MSL3: variants seen among roughly 807,000 people sequenced by gnomAD.
The protein encoded by MSL3 is MSL3-like 1.
A neutral mutation model predicts 37.2 loss-of-function variants in MSL3; 5 were observed. That is an observed-to-expected ratio of 0.13 (90% CI 0.07 to 0.28). The LOEUF (loss-of-function observed/expected upper bound fraction) is 0.28, where lower values mean the gene tolerates loss of function less well. Among genes scored for constraint, MSL3 ranks in the 10% least tolerant of loss-of-function variants. The probability of loss-of-function intolerance (pLI) is 1.00; values close to 1 mark genes in which losing one functional copy is unlikely to be tolerated. For missense variants in MSL3, 315 were observed against 408.5 expected (o/e 0.77, Z 1.97); for synonymous variants, 149 against 147.6 (o/e 1.01, Z -0.07).
In MSL3 at chrX:11,758,909, G is replaced by A. The variant is rs968311180; in HGVS notation, c.102+544G>A. The A allele has an allele frequency of 4.1e-5, 24 of 581,158 alleles. No individual in the cohort carries two copies. In the African/African-American group the frequency reaches 5.5e-4, roughly 13 times the overall value. The allele number at this position is 581,158 out of a possible 1,213,427, so 47.9% of individuals were successfully genotyped here. On this transcript the variant is annotated intron_variant, in intron 1 of 12. Coordinates refer to ENST00000312196, the MANE Select transcript of MSL3 (RefSeq NM_078629.4). ...AGGGCAAGGTTGGCCCAGTGTTTTC[G>A]TACCCCAGGGCCTTGCAGCATTTAC...
rs1601767284 is a variant in MSL3 at position 11,762,346 on chromosome X, T to C, written c.588+94T>C. The C allele has an allele frequency of 4.7e-5, 36 of 773,902 alleles. No homozygotes were observed. The East Asian group carries it at 1.2e-3, about 27-fold the overall frequency. The allele number at this position is 773,902 out of a possible 1,213,427, so 63.8% of individuals were successfully genotyped here. A position where few individuals can be genotyped will look rare whatever the true frequency, so the allele number is the denominator to read the frequency against. ...AGACGTAAGCAATAGCGAATCTTGG[T>C]GGAACGAAATTTATATTTTTCAGCT... On this transcript the variant is annotated intron_variant, in intron 6 of 12. Coordinates refer to ENST00000312196, the MANE Select transcript of MSL3 (RefSeq NM_078629.4).
rs1214224781 is a variant in MSL3, at chrX:11,762,979, A to G, written c.731A>G (p.Tyr244Cys). 8.3e-7 allele frequency: 1 copy of G among 1,205,357 alleles called. No individual in the cohort carries two copies. The highest frequency in any genetic ancestry group is 1.1e-6 in the Non-Finnish European group (1 of 893,277). Reference protein sequence around the residue: ...VMPHANMNVHYIPAEKNVDLC... With the variant: ...VMPHANMNVHCIPAEKNVDLC... ...CCACATGCCAACATGAACGTGCATT[A>G]TATCCCAGCAGAAAAGAAGTGAGTA... The change falls in exon 7 of 13, where the codon TAT (tyrosine) becomes TGT (cysteine). Residue 244 changes from tyrosine to cysteine, a missense_variant. Tyr to Cys is a radical substitution (Grantham distance 194). Transcript: ENST00000312196.
chrX:11,769,600 A>AT (rs1286558602), intron 10 of MSL3, among the ~76,000 whole-genome samples: 3 of 110,732 alleles, frequency 2.7e-5, no homozygotes, highest in African/African-American at 9.9e-5. Flanking sequence ...GGCAAAGAAC[A>AT]TTTTTTTCTT....
Position 11,758,814 on chromosome X carries a change from G to A in MSL3, c.102+449G>A, listed in dbSNP as rs1255507157. The A allele has an allele frequency of 3.5e-6, 4 of 1,138,131 alleles. 1 individual carries two copies. The highest frequency in any genetic ancestry group is 6.5e-5 in the East Asian group (2 of 30,595). 93.8% of individuals were successfully genotyped at this position (1,138,131 alleles called of 1,213,427 possible). A position where few individuals can be genotyped will look rare whatever the true frequency, so the allele number is the denominator to read the frequency against. The stretch of plus-strand genomic sequence containing the variant: ...TACACGGCGCTGGCCGCTGACTTGC[G>A]ACGTTGTGTCCCTGGGACCCTAGTC... On this transcript the variant is annotated intron_variant, in intron 1 of 12. Transcript: ENST00000312196.
intron 9 of MSL3, chrX:11,766,961 C>A: frequency 2.6e-6 from 2 of 754,796 alleles, no homozygotes; most frequent in South Asian, 1.3e-4. Flanking sequence ...CTTCCCTCAG[C>A]CTCGCCTGCT....
chrX:11,763,672 T>C (rs1355212247), intron 7 of MSL3, 108 bp from the exon 8 acceptor site: 1 of 576,632 alleles, frequency 1.7e-6, no homozygotes, highest in Admixed American at 3.1e-5. Flanking sequence ...GTGTAGTATA[T>C]AATGATTAGA....
intron 4 of MSL3, 136 bp from the exon 5 acceptor site, chrX:11,761,364 G>T (rs193005725): frequency 3.7e-4 from 151 of 408,279 alleles, no homozygotes; most frequent in African/African-American, 3.7e-3. Context: ...TACAGTATTT[G>T]TGTTTGGCAT....
At chrX:11,772,919 T>G (rs1280545023) in intron 12 of MSL3, among the ~76,000 whole-genome samples, 1 of 111,673 alleles carries the variant, frequency 9.0e-6, no homozygotes, top group East Asian at 2.8e-4. Context: ...GTTAGGGGCA[T>G]TCATTGTACA....
chrX:11,766,784 C>T (rs991150164), intron 9 of MSL3: 1 of 754,675 alleles, frequency 1.3e-6, no homozygotes, highest in Non-Finnish European at 1.6e-6. Context: ...GAGATGGAAG[C>T]CTGGTGGCCT....
intron 10 of MSL3, among the ~76,000 whole-genome samples, chrX:11,770,378 T>C (rs905331262): frequency 2.7e-5 from 3 of 111,829 alleles, no homozygotes; most frequent in African/African-American, 9.8e-5. Flanking sequence ...TGAGGGGAAA[T>C]CGTGAATTTA....
intron 5 of MSL3, among the ~76,000 whole-genome samples, 153 bp downstream of exon 5, chrX:11,761,735 C>T: frequency 8.9e-6 from 1 of 111,921 alleles, no homozygotes; most frequent in African/African-American, 3.2e-5. Context: ...GAAAAACAAC[C>T]CTTATTTATA....
At chrX:11,758,772 A>G (rs2053098498) in intron 1 of MSL3, 1 of 1,166,020 alleles carries the variant, frequency 8.6e-7, no homozygotes, top group Non-Finnish European at 1.1e-6. Flanking sequence ...CGTCCGATCC[A>G]GGTTCTAATT....
chrX:11,760,468 G>A lies in MSL3; in HGVS notation c.251G>A (p.Arg84His), dbSNP rs1325773032. The change falls in exon 3 of 13, where the codon CGT (arginine) becomes CAT (histidine). Residue 84 changes from arginine to histidine, a missense_variant. Coordinates refer to ENST00000312196, the MANE Select transcript of MSL3 (RefSeq NM_078629.4). ...RDTDENRRLQ[R>H]KLARKAVARL... ...ACCGATGAAAATCGTAGATTACAGC[G>A]TAAATTGGCAAGAAAAGCTGTAGCT... The A allele has an allele frequency of 7.5e-6, 9 of 1,198,189 alleles. No homozygotes were observed. In the Admixed American group the frequency reaches 1.6e-4, roughly 21 times the overall value.
chrX:11,761,752 G>A (rs371761873), intron 5 of MSL3, among the ~76,000 whole-genome samples, 170 bp downstream of exon 5: 4 of 111,872 alleles, frequency 3.6e-5, no homozygotes, highest in Admixed American at 9.4e-5. Context: ...TATAGTCGCC[G>A]TATGAGTCTC....
rs373294859 is a variant in MSL3, at chrX:11,762,235, A to G, written c.571A>G (p.Ile191Val). The G allele has an allele frequency of 8.6e-6, 10 of 1,157,445 alleles. No individual in the cohort carries two copies. The Admixed American group carries it at 1.5e-4, about 17-fold the overall frequency. The change falls in exon 6 of 13, where the codon ATT becomes GTT. Residue 191 changes from isoleucine (I) to valine (V), a missense_variant. Ile to Val is a conservative substitution (Grantham distance 29, BLOSUM62 3). Transcript: ENST00000312196. ...GCAGCTGGAGGATGATTGTTACTAC[A>G]TTAACAGGAGGAAACGGGTATGTAG... The part of the protein sequence containing the change: ...KKQLEDDCYY[I>V]NRRKRLVKLP...
At chrX:11,762,038 G>A in intron 5 of MSL3, 92 bp from the exon 6 acceptor site, 5 of 695,150 alleles carry the variant, frequency 7.2e-6, no homozygotes, top group Non-Finnish European at 1.0e-5. Flanking sequence ...TGATTGTTGA[G>A]GATTAGCTGG....
chrX:11,771,724 C>A (rs72612855), intron 10 of MSL3, among the ~76,000 whole-genome samples: 2 of 111,185 alleles, frequency 1.8e-5, no homozygotes, highest in Non-Finnish European at 3.8e-5. Context: ...GGATTACAGG[C>A]GTCCACCACC....
At position 11,765,667 on chromosome X, in the gene MSL3, C is replaced by T. The variant is rs776536449; in HGVS notation, c.1109C>T (p.Pro370Leu). 70 of 1,212,098 alleles carry T rather than the reference C, an allele frequency of 5.8e-5. No homozygotes were observed. The highest frequency in any genetic ancestry group is 7.8e-5 in the Non-Finnish European group (70 of 895,510). Reference sequence around the variant, plus strand: ...TCTGAGAGCAGCGCTTCACCTCAGCCCAAGCGCCGGCAGCAGGACACATCC... The same window carrying T: ...TCTGAGAGCAGCGCTTCACCTCAGCTCAAGCGCCGGCAGCAGGACACATCC... ...RLSESSASPQ[P>L]KRRQQDTSAS... Residue 370 changes from proline to leucine, a missense_variant, in exon 9 of 13, where the codon CCC becomes CTC. By Grantham distance (98) the Pro-to-Leu change is moderately conservative (BLOSUM62 -3). Coordinates refer to ENST00000312196, the MANE Select transcript of MSL3 (RefSeq NM_078629.4).
chrX:11,765,351 C>T (rs2053170407), intron 8 of MSL3, 116 bp from the exon 9 acceptor site: 2 of 913,384 alleles, frequency 2.2e-6, no homozygotes, highest in Non-Finnish European at 3.0e-6. Context: ...GTCCAAGTGA[C>T]TTCGGTACAT....
Sources: allele counts gnomAD v4.1 joint callset (sites outside exome capture counted in the v4.1 genomes callset), GRCh38; gene constraint gnomAD v4.1.1; transcripts MANE v1.5; gene names NCBI Gene and HGNC (gene_info 2026-07-23, HGNC 2026-07-21).